Variants in SLC18A2 observed in about 807,000 individuals in gnomAD.
The protein encoded by SLC18A2 is solute carrier family 18 member A2.
SLC18A2 carries 33 observed loss-of-function variants against 59.2 expected under a neutral mutation model. The observed-to-expected ratio is 0.56, with a 90% CI of 0.42 to 0.75. The LOEUF is 0.75. Ranked by LOEUF, SLC18A2 falls within the 30% of genes least tolerant of loss-of-function variation. SLC18A2 has a pLI of 0.00. For missense variants in SLC18A2, 569 were observed against 668.6 expected, an observed-to-expected ratio of 0.85 and a Z score of 1.64; for synonymous variants, 228 against 253.5, an observed-to-expected ratio of 0.90 and a Z score of 0.95.
Position 117,269,425 on chromosome 10 carries a change from TACAG to T in SLC18A2, c.1187-642_1187-639del, listed in dbSNP as rs1315743098. Among the ~76,000 whole-genome samples, 1 of 152,100 alleles carries T rather than the reference TACAG, an allele frequency of 6.6e-6. No homozygotes were observed. The highest frequency in any genetic ancestry group is 1.5e-5 in the Non-Finnish European group (1 of 68,022). On this transcript the variant is annotated intron_variant, in intron 13 of 15. Transcript: ENST00000644641. This position sits in a 1 kb window ranked among gnomAD's most constrained non-coding sequence, Gnocchi z 5.1. ...ATACTCATAAATACACACATATACA[TACAG>T]ACATACACCCCAGCAACAACCACGA...
Position 117,266,449 on chromosome 10 carries a change from T to C in SLC18A2, c.992-284T>C, listed in dbSNP as rs113881579. Among the ~76,000 whole-genome samples the C allele has an allele frequency of 5.9e-3, 898 of 152,350 alleles. 14 individuals are homozygous for C. The highest frequency in any genetic ancestry group is 0.021 in the African/African-American group (859 of 41,570). On this transcript the variant is annotated intron_variant, in intron 10 of 15. Transcript: ENST00000644641. ...GCTCCCAGGCAGGAGCTGTTTGTAT[T>C]GGCCCACGTGTGAAGCCCACCACCA...
chr10:117,251,694 G>A (rs1844164074), intron 3 of SLC18A2, among the ~76,000 whole-genome samples: 1 of 152,194 alleles, frequency 6.6e-6, no homozygotes, highest in Non-Finnish European at 1.5e-5. Context: ...AGAACTTTTG[G>A]AAAGATTCTA....
chr10:117,264,528 C>T (rs1369022575), intron 10 of SLC18A2, among the ~76,000 whole-genome samples: 1 of 152,212 alleles, frequency 6.6e-6, no homozygotes, highest in Admixed American at 6.5e-5. Context: ...AATACTGGAA[C>T]TGCAGTCCCT....
chr10:117,251,859 G>A (rs530158059), intron 3 of SLC18A2, among the ~76,000 whole-genome samples: 2 of 152,286 alleles, frequency 1.3e-5, no homozygotes, highest in Non-Finnish European at 2.9e-5. Flanking sequence ...ACATAGGGAG[G>A]TGAAATAGGG....
chr10:117,266,584 G>A (rs962109112), intron 10 of SLC18A2, 149 bp from the exon 11 acceptor site: 31 of 653,014 alleles, frequency 4.7e-5, no homozygotes, highest in Non-Finnish European at 7.7e-5. Context: ...GACCGGATCC[G>A]GCAGGCGCCG....
At position 117,267,715 on chromosome 10, in the gene SLC18A2, TTTGGAG is replaced by T; in HGVS notation, c.1170_1175del (p.Val391_Gly392del). 6.4e-7 allele frequency: 1 copy of T among 1,564,376 alleles called. No individual in the cohort carries two copies. The highest frequency in any genetic ancestry group is 8.8e-7 in the Non-Finnish European group (1 of 1,142,038). ...CATTTATGGACTCATAGCTCCGAAC[TTTGGAG>T]TTGGTTTTGCAATTGGTAAGTCACA... On this transcript the variant is annotated inframe_deletion, in exon 13 of 16. Coordinates refer to ENST00000644641, the MANE Select transcript of SLC18A2 (RefSeq NM_003054.6).
chr10:117,270,956 A>G (rs1844418436), intron 15 of SLC18A2, among the ~76,000 whole-genome samples: 2 of 152,238 alleles, frequency 1.3e-5, no homozygotes, highest in African/African-American at 4.8e-5. Context: ...ACTTTGGGGT[A>G]TATGTGAACA....
At chr10:117,252,913 G>T (rs1039188832) in intron 3 of SLC18A2, among the ~76,000 whole-genome samples, 17 of 152,172 alleles carry the variant, frequency 1.1e-4, no homozygotes, top group Admixed American at 1.1e-3. Context: ...ATGAGACTTT[G>T]TCTTTCTGGG....
At chr10:117,259,783 A>G (rs1844273612) in intron 10 of SLC18A2, among the ~76,000 whole-genome samples, 1 of 152,178 alleles carries the variant, frequency 6.6e-6, no homozygotes, top group African/African-American at 2.4e-5. Flanking sequence ...ATAAAAGTCC[A>G]TGTTGATGAT....
At position 117,258,531 on chromosome 10, in the gene SLC18A2, G is replaced by T. The variant is rs185318255; in HGVS notation, c.991+639G>T. Among the ~76,000 whole-genome samples the T allele has an allele frequency of 2.4e-4, 36 of 151,986 alleles. 1 individual carries two copies. The East Asian group carries it at 6.8e-3, about 29-fold the overall frequency. The stretch of plus-strand genomic sequence containing the variant: ...TGCAATTTTGTGGCCATGTTTCCGT[G>T]TCAGAACAAGTAGATTTACTTTTTA... On this transcript the variant is annotated intron_variant, in intron 10 of 15. Coordinates refer to ENST00000644641, the MANE Select transcript of SLC18A2 (RefSeq NM_003054.6).
chr10:117,257,912 C>T lies in SLC18A2; in HGVS notation c.991+20C>T, dbSNP rs202019521. ...AGCTGGGTAAGGACTGGGGTGGGCT[C>T]TTCTGATTCAAGAGCATTTGTCCCC... On this transcript the variant is annotated intron_variant, in intron 10 of 15. Coordinates refer to ENST00000644641, the MANE Select transcript of SLC18A2 (RefSeq NM_003054.6). 403 of 1,556,480 alleles carry T rather than the reference C, an allele frequency of 2.6e-4. No individual in the cohort carries two copies. Among genetic ancestry groups the T allele is most frequent in the Non-Finnish European group, 3.2e-4 (364 of 1,138,080 alleles).
At chr10:117,257,695 T>C in intron 9 of SLC18A2, 102 bp from the exon 10 acceptor site, 1 of 581,922 alleles carries the variant, frequency 1.7e-6, no homozygotes, top group Non-Finnish European at 3.0e-6. Flanking sequence ...TTAATGAAAG[T>C]AGAAGTTGCG....
chr10:117,276,028 C>T (rs1182257232), intron 15 of SLC18A2, among the ~76,000 whole-genome samples: 1 of 151,974 alleles, frequency 6.6e-6, no homozygotes, highest in African/African-American at 2.4e-5. Flanking sequence ...TGGTCACTTG[C>T]ACCTGTAATC....
At position 117,255,317 on chromosome 10, in the gene SLC18A2, G is replaced by T; in HGVS notation, c.741G>T (p.Gly247=). 1 of 1,614,242 alleles carries T rather than the reference G, an allele frequency of 6.2e-7. No homozygotes were observed. Among genetic ancestry groups the T allele is most frequent in the South Asian group, 1.1e-5 (1 of 91,088 alleles). The change falls in exon 7 of 16, where the codon GGG becomes GGT. Residue 247 remains glycine, a synonymous_variant. Coordinates refer to ENST00000644641, the MANE Select transcript of SLC18A2 (RefSeq NM_003054.6). ...PFGSVLYEFV[G]KTAPFLVLAA... Reference sequence around the variant, plus strand: ...GGAGTGTGCTCTATGAGTTTGTGGGGAAGACGGCTCCGTTCCTGGTGCTGG... The same window carrying T: ...GGAGTGTGCTCTATGAGTTTGTGGGTAAGACGGCTCCGTTCCTGGTGCTGG...
In SLC18A2 at chr10:117,277,341, C is replaced by A; in HGVS notation, c.*75C>A. On this transcript the variant is annotated 3_prime_UTR_variant, in exon 16 of 16. Transcript: ENST00000644641. The stretch of plus-strand genomic sequence containing the variant: ...TTCCAGTGACACAACTCATCCAGAA[C>A]TGTCTTAGTCATACCATCCATCCCT... The A allele has an allele frequency of 2.4e-6, 2 of 850,332 alleles. No homozygotes were observed. Among genetic ancestry groups the A allele is most frequent in the Non-Finnish European group, 3.7e-6 (2 of 537,446 alleles). The allele number at this position is 850,332 out of a possible 1,614,324, so 52.7% of individuals were successfully genotyped here.
chr10:117,274,984 CAT>C (rs1315283455), intron 15 of SLC18A2, among the ~76,000 whole-genome samples: 1 of 152,200 alleles, frequency 6.6e-6, no homozygotes, highest in Non-Finnish European at 1.5e-5. Flanking sequence ...ACTGTTGTCA[CAT>C]GAGGACAGGG....
intron 10 of SLC18A2, among the ~76,000 whole-genome samples, chr10:117,264,660 A>C (rs1844329394): frequency 6.6e-6 from 1 of 152,160 alleles, no homozygotes; most frequent in Non-Finnish European, 1.5e-5. Context: ...CTGAGGCTGA[A>C]TGTCAGTGGT....
intron 15 of SLC18A2, among the ~76,000 whole-genome samples, chr10:117,276,125 C>CA (rs34299747): frequency 0.035 from 4,768 of 137,352 alleles, 104 homozygotes; most frequent in African/African-American, 0.056. Flanking sequence ...GTCATCTCTA[C>CA]AAAAAAAAAA....
At chr10:117,276,630 A>AAAAAAAAAAG (rs1445853665) in intron 15 of SLC18A2, among the ~76,000 whole-genome samples, 15 of 22,302 alleles carry the variant, frequency 6.7e-4, no homozygotes, top group African/African-American at 1.4e-3. Context: ...AAAAAAAAAA[A>AAAAAAAAAAG]AAAGAAAGAA....
Sources: allele counts gnomAD v4.1 joint callset (sites outside exome capture counted in the v4.1 genomes callset), GRCh38; gene constraint gnomAD v4.1.1; non-coding constraint Gnocchi (gnomAD v3.1); transcripts MANE v1.5; gene names NCBI Gene and HGNC (gene_info 2026-07-23, HGNC 2026-07-21).